EML5: variants seen among roughly 807,000 people sequenced by gnomAD.
EML5 encodes EMAP like 5.
Under a neutral mutation model 250.0 loss-of-function variants are expected in EML5, and 120 were observed. That is an observed-to-expected ratio of 0.48 (90% CI 0.41 to 0.56). The LOEUF (loss-of-function observed/expected upper bound fraction) is 0.56. EML5 is among the 20% of genes least tolerant of loss of function. EML5 has a pLI of 0.00. For missense variants in EML5, 2,006 were observed against 2,437.6 expected (o/e 0.82, Z 3.73); for synonymous variants, 771 against 806.5 (o/e 0.96, Z 0.75).
chr14:88,775,895 G>C (rs1326789469), intron 1 of EML5, among the ~76,000 whole-genome samples: 2 of 151,070 alleles, frequency 1.3e-5, no homozygotes, highest in African/African-American at 4.9e-5. Flanking sequence ...CCCAGCTTTA[G>C]GTGGCTCAGA....
rs1244760754 is a variant in EML5 at position 88,615,633 on chromosome 14, A to G, written c.*185T>C. ...TTATCTGGCAGTGTATGGATTACGG[A>G]TTATACCCAGTGCATATAGCAAATA... is the stretch of plus-strand genomic sequence containing the variant. On this transcript the variant is annotated 3_prime_UTR_variant, in exon 44 of 44. Transcript: ENST00000554922. 1 of 583,232 alleles carries G rather than the reference A, an allele frequency of 1.7e-6. No homozygotes were observed. Among genetic ancestry groups the G allele is most frequent in the Non-Finnish European group, 3.0e-6 (1 of 334,678 alleles). 36.1% of individuals were successfully genotyped at this position (583,232 alleles called of 1,614,324 possible).
At chr14:88,770,767 T>C (rs973478527) in intron 1 of EML5, among the ~76,000 whole-genome samples, 2 of 152,190 alleles carry the variant, frequency 1.3e-5, no homozygotes, top group East Asian at 3.8e-4. Flanking sequence ...AACTCAACAT[T>C]TATGGATTAA....
intron 5 of EML5, 47 bp from the exon 6 acceptor site, chr14:88,739,061 C>T: frequency 6.5e-7 from 1 of 1,534,990 alleles, no homozygotes; most frequent in Non-Finnish European, 8.8e-7. Context: ...TTTTTAAGAA[C>T]ATCTACTATA....
rs188308781 is a variant in EML5, at chr14:88,678,052, C to T, written c.3124+3838G>A. On this transcript the variant is annotated intron_variant, in intron 21 of 43. Coordinates refer to ENST00000554922, the MANE Select transcript of EML5 (RefSeq NM_183387.3). ...ACATGGAATCAACTCAAATGCCCAT[C>T]GATATTAGACTGGATAAAGAAAATG... Among the ~76,000 whole-genome samples the T allele has an allele frequency of 2.6e-4, 39 of 152,128 alleles. 1 individual carries two copies. The South Asian group carries it at 7.5e-3, about 29-fold the overall frequency.
Position 88,649,916 on chromosome 14 carries a change from C to A in EML5, c.4015G>T (p.Val1339Leu). 1 of 1,490,082 alleles carries A rather than the reference C, an allele frequency of 6.7e-7. No homozygotes were observed. The highest frequency in any genetic ancestry group is 8.9e-7 in the Non-Finnish European group (1 of 1,120,542). The allele number at this position is 1,490,082 out of a possible 1,614,324, so 92.3% of individuals were successfully genotyped here. A position where few individuals can be genotyped will look rare whatever the true frequency, so the allele number is the denominator to read the frequency against. The change falls in exon 28 of 44, where the codon GTA (valine) becomes TTA (leucine). Residue 1339 changes from valine (V) to leucine (L), a missense_variant. Transcript: ENST00000554922. ...EPSIDERQGV[V>L]RGSRPPVSRA... is the part of the protein sequence containing the mutation. ...TTTCTTTTATAAAACACTTACCTTA[C>A]TACTCCCTGCCTTCAAAAGGAGCAA...
chr14:88,676,295 A>T (rs2092591530), intron 21 of EML5, among the ~76,000 whole-genome samples: 1 of 152,360 alleles, frequency 6.6e-6, no homozygotes, highest in African/African-American at 2.4e-5. Flanking sequence ...TTGCTGAGGA[A>T]GTCCCAGGAA....
intron 1 of EML5, among the ~76,000 whole-genome samples, chr14:88,772,309 A>G (rs539685603): frequency 1.6e-4 from 25 of 152,198 alleles, no homozygotes; most frequent in African/African-American, 5.5e-4. Context: ...TTATTCCTCT[A>G]TTGCTTCCCT....
intron 1 of EML5, among the ~76,000 whole-genome samples, chr14:88,779,279 C>T (rs536154720): frequency 2.0e-5 from 3 of 152,066 alleles, no homozygotes; most frequent in East Asian, 1.9e-4. Context: ...AAAGAAAAAG[C>T]GAAACTATGA....
At chr14:88,714,701 T>C (rs1347137235) in intron 9 of EML5, among the ~76,000 whole-genome samples, 1 of 152,024 alleles carries the variant, frequency 6.6e-6, no homozygotes, top group Non-Finnish European at 1.5e-5. Context: ...CTCAATAGAG[T>C]TGAGAAAAAA....
chr14:88,726,730 TA>T, intron 7 of EML5, 52 bp from the exon 8 acceptor site: 1 of 1,346,312 alleles, frequency 7.4e-7, no homozygotes, highest in African/African-American at 1.5e-5. Flanking sequence ...CATACTTTAG[TA>T]AAAATATTTT....
chr14:88,651,676 A>C (rs181834700), intron 27 of EML5, among the ~76,000 whole-genome samples: 67 of 152,084 alleles, frequency 4.4e-4, no homozygotes, highest in African/African-American at 1.5e-3. Flanking sequence ...CATATTAAAC[A>C]CTACACTTCA....
At chr14:88,696,767 G>A (rs2093088681) in intron 15 of EML5, 80 bp downstream of exon 15, 2 of 916,356 alleles carry the variant, frequency 2.2e-6, no homozygotes, top group Non-Finnish European at 1.6e-6. Flanking sequence ...GACAAGCTTA[G>A]GTAACACTGA....
chr14:88,701,491 C>T (rs1247887682), intron 14 of EML5, among the ~76,000 whole-genome samples: 1 of 151,648 alleles, frequency 6.6e-6, no homozygotes, highest in African/African-American at 2.4e-5. Context: ...ATAGAATGTG[C>T]TTGATGAATG....
At chr14:88,772,309 A>C (rs539685603) in intron 1 of EML5, among the ~76,000 whole-genome samples, 1 of 152,080 alleles carries the variant, frequency 6.6e-6, no homozygotes, top group Non-Finnish European at 1.5e-5. Flanking sequence ...TTATTCCTCT[A>C]TTGCTTCCCT....
chr14:88,740,412 A>G lies in EML5; in HGVS notation c.686T>C (p.Ile229Thr), dbSNP rs765178617. 3 of 1,612,894 alleles carry G rather than the reference A, an allele frequency of 1.9e-6. No individual in the cohort carries two copies. Among genetic ancestry groups the G allele is most frequent in the South Asian group, 1.1e-5 (1 of 90,932 alleles). Residue 229 changes from isoleucine to threonine, a missense_variant, in exon 5 of 44, where the codon ATA (isoleucine) becomes ACA (threonine). Physicochemically the swap from Ile to Thr is moderately conservative, Grantham distance 89 (BLOSUM62 -1). This residue lies in a region of EML5 where 1,375 missense variants were observed against 1,590.3 expected (regional missense o/e 0.86). Transcript: ENST00000554922. ...DIYVWKGINL[I>T]RTIQGAHAAG... The stretch of plus-strand genomic sequence containing the variant: ...AGCATGGGCTCCTTGTATTGTTCGT[A>G]TAAGATTGATTCCTTTCCAAACATA...
Position 88,704,990 on chromosome 14 carries a change from T to C in EML5, c.1933-12A>G, listed in dbSNP as rs1595590512. ...TCTTCTTTGTAAACCTTTAAAAATG[T>C]ATACAAGTAGAAATATTCTTAGAAT... On this transcript the variant is annotated splice_polypyrimidine_tract_variant and intron_variant, in intron 12 of 43. Transcript: ENST00000554922. 5.8e-6 allele frequency: 9 copies of C among 1,548,754 alleles called. No homozygotes were observed. The East Asian group carries it at 2.0e-4, about 35-fold the overall frequency.
At chr14:88,716,649 G>T (rs1362087748) in intron 8 of EML5, among the ~76,000 whole-genome samples, 4 of 151,708 alleles carry the variant, frequency 2.6e-5, no homozygotes, top group Admixed American at 6.6e-5. Flanking sequence ...TAGCATTTTT[G>T]TTTAGAGACT....
chr14:88,694,316 G>A lies in EML5; in HGVS notation c.2530C>T (p.Arg844Cys), dbSNP rs757894610. 2.3e-5 allele frequency: 37 copies of A among 1,578,912 alleles called. No individual in the cohort carries two copies. The highest frequency in any genetic ancestry group is 1.7e-4 in the Middle Eastern group (1 of 6,028). Residue 844 changes from arginine (R) to cysteine (C), a missense_variant, in exon 17 of 44, where the codon CGT becomes TGT. Around this residue, in one of 7 missense-constraint regions of EML5, gnomAD observed 1,375 missense variants for 1,590.3 expected, o/e 0.86. Transcript: ENST00000554922. ...TAGIKHMKFW[R>C]KAGGGLIGRK... ...AGAAGCACTTTCTTACCTGCTTTAC[G>A]CCAAAATTTCATGTGTTTAATTCCA...
At chr14:88,677,822 A>G (rs909862362) in intron 21 of EML5, among the ~76,000 whole-genome samples, 4 of 152,364 alleles carry the variant, frequency 2.6e-5, no homozygotes, top group Admixed American at 2.0e-4. Context: ...CTGTGGAGAA[A>G]TAGGAACACT....
Sources: allele counts gnomAD v4.1 joint callset (sites outside exome capture counted in the v4.1 genomes callset), GRCh38; gene constraint gnomAD v4.1.1; regional missense constraint gnomAD v4.1.1; transcripts MANE v1.5; gene names NCBI Gene and HGNC (gene_info 2026-07-23, HGNC 2026-07-21).